Variants in POTEE observed in about 807,000 individuals in gnomAD.
POTEE encodes POTE ankyrin domain family member E.
A neutral mutation model predicts 74.2 loss-of-function variants in POTEE; 21 were observed. That is an observed-to-expected ratio of 0.28 (90% CI 0.20 to 0.41). POTEE has a LOEUF of 0.41. POTEE is among the 10% of genes least tolerant of loss of function. The pLI is 1.00. For synonymous variants in POTEE, 211 were observed against 432.8 expected (o/e 0.49, Z 6.36); for missense variants, 525 against 1,158.6 (o/e 0.45, Z 7.94).
At chr2:131,218,113 G>T (rs1700492748) in intron 3 of POTEE, 197 bp from the exon 4 acceptor site, 14 of 560,196 alleles carry the variant, frequency 2.5e-5, no homozygotes, top group Non-Finnish European at 4.1e-5. Context: ...TCCCTTGGGT[G>T]GGCTGGGTGT....
In POTEE at chr2:131,218,942, G is replaced by T; in HGVS notation, c.521+19G>T. On this transcript the variant is annotated intron_variant, in intron 4 of 17. Coordinates refer to ENST00000683005, the MANE Select transcript of POTEE (RefSeq NM_001083538.3). ...AAAAGAGGTAACCAGGCCTGGGCTG[G>T]GAGGAGGTGGGACGTGGGGGGATGA... 1 of 1,612,588 alleles carries T rather than the reference G, an allele frequency of 6.2e-7. No homozygotes were observed. Among genetic ancestry groups the T allele is most frequent in the East Asian group, 2.2e-5 (1 of 44,854 alleles).
intron 6 of POTEE, among the ~76,000 whole-genome samples, 197 bp from the exon 7 acceptor site, chr2:131,226,626 T>C (rs575391363): frequency 1.2e-3 from 188 of 150,642 alleles, no homozygotes; most frequent in African/African-American, 4.3e-3. Context: ...AGAGTTACTG[T>C]GGTGAGGCAG....
intron 9 of POTEE, among the ~76,000 whole-genome samples, 189 bp from the exon 10 acceptor site, chr2:131,236,543 T>A (rs1333436912): frequency 1.3e-5 from 2 of 151,848 alleles, no homozygotes; most frequent in Non-Finnish European, 2.9e-5. Flanking sequence ...TGTGAGTGAA[T>A]GACATCAGGT....
intron 1 of POTEE, among the ~76,000 whole-genome samples, chr2:131,210,379 G>A (rs546018701): frequency 5.6e-4 from 84 of 149,652 alleles, no homozygotes; most frequent in African/African-American, 1.9e-3. Context: ...GGCACAGGGT[G>A]TGTTGGGTGT....
At chr2:131,242,424 T>TACGGC (rs1701263714) in intron 12 of POTEE, among the ~76,000 whole-genome samples, 1 of 2,242 alleles carries the variant, frequency 4.5e-4, no homozygotes, top group African/African-American at 1.2e-3. Flanking sequence ...GGGCTACTGA[T>TACGGC]GTCCTTCCTG....
chr2:131,218,837 A>T lies in POTEE; in HGVS notation c.435A>T (p.Arg145Ser). ...GAGAAGATCTGGACAAGCTCCACAGAGCTGCCTGGTGGGGTAAAGTCCCCA... is the reference window on the plus strand; with the variant it reads ...GAGAAGATCTGGACAAGCTCCACAGTGCTGCCTGGTGGGGTAAAGTCCCCA... ...VRGEDLDKLHRAAWWGKVPRK... is the reference protein window; with the variant it reads ...VRGEDLDKLHSAAWWGKVPRK... The change falls in exon 4 of 18, where the codon AGA (arginine) becomes AGT (serine). Residue 145 changes from arginine (R) to serine (S), a missense_variant. Transcript: ENST00000683005. The T allele has an allele frequency of 6.2e-7, 1 of 1,612,486 alleles. No homozygotes were observed. Among genetic ancestry groups the T allele is most frequent in the South Asian group, 1.1e-5 (1 of 91,016 alleles).
At position 131,210,687 on chromosome 2, in the gene POTEE, C is replaced by T. The variant is rs1476317180; in HGVS notation, c.-344-341C>T. Among the ~76,000 whole-genome samples, 20 of 149,932 alleles carry T rather than the reference C, an allele frequency of 1.3e-4. 1 individual carries two copies. The South Asian group carries it at 3.9e-3, about 29-fold the overall frequency. On this transcript the variant is annotated intron_variant, in intron 1 of 17. Coordinates refer to ENST00000683005, the MANE Select transcript of POTEE (RefSeq NM_001083538.3). Reference sequence around the variant, plus strand: ...ACCGGGTGGGGATTAGTGGGCATCGCGGGGGACTGTGGGAACAGGGCACTG... The same window carrying T: ...ACCGGGTGGGGATTAGTGGGCATCGTGGGGGACTGTGGGAACAGGGCACTG...
intron 13 of POTEE, among the ~76,000 whole-genome samples, chr2:131,248,301 CAG>C (rs1478414000): frequency 7.6e-6 from 1 of 130,824 alleles, no homozygotes; most frequent in Non-Finnish European, 1.7e-5. Flanking sequence ...GAATATAAAA[CAG>C]AGGCAGAAGA....
chr2:131,220,199 T>C (rs1183230532), intron 4 of POTEE, among the ~76,000 whole-genome samples: 2 of 151,300 alleles, frequency 1.3e-5, no homozygotes, highest in African/African-American at 2.4e-5. Flanking sequence ...TATGCAGATA[T>C]ATATTTATAT....
intron 8 of POTEE, chr2:131,229,679 A>T (rs1559180616): frequency 6.6e-6 from 1 of 152,194 alleles, no homozygotes; most frequent in Admixed American, 6.5e-5. Flanking sequence ...CTGCATAAGG[A>T]GGCAGCACAG....
At chr2:131,210,078 A>G (rs61255260) in intron 1 of POTEE, among the ~76,000 whole-genome samples, 4,421 of 77,222 alleles carry the variant, frequency 0.057, 158 homozygotes, top group African/African-American at 0.17. Flanking sequence ...GGTTAGGGGC[A>G]CTATTTTCTG....
In POTEE at chr2:131,209,779, C is replaced by T. The variant is rs1428573361; in HGVS notation, c.-385C>T. Reference sequence around the variant, plus strand: ...TGCTGTGTTTGGTGGTGACGTGGGACACTGCAGCTCGGCCAGAGTGGTAGA... The same window carrying T: ...TGCTGTGTTTGGTGGTGACGTGGGATACTGCAGCTCGGCCAGAGTGGTAGA... On this transcript the variant is annotated 5_prime_UTR_variant, in exon 1 of 18. Transcript: ENST00000683005. Among the ~76,000 whole-genome samples the T allele has an allele frequency of 2.0e-5, 3 of 152,314 alleles. No individual in the cohort carries two copies. Among genetic ancestry groups the T allele is most frequent in the East Asian group, 3.9e-4 (2 of 5,172 alleles).
chr2:131,227,283 C>CCT (rs1700812388), intron 7 of POTEE, among the ~76,000 whole-genome samples: 1 of 149,402 alleles, frequency 6.7e-6, no homozygotes, highest in Admixed American at 6.6e-5. Flanking sequence ...TAGTTTTTAA[C>CCT]CTGTGTCTTA....
At chr2:131,218,267 G>A (rs1700496717) in intron 3 of POTEE, 43 bp from the exon 4 acceptor site, 19 of 1,525,532 alleles carry the variant, frequency 1.2e-5, no homozygotes, top group Non-Finnish European at 1.5e-5. Context: ...CCCCTGCTGG[G>A]GTTGGCAGGT....
intron 8 of POTEE, among the ~76,000 whole-genome samples, chr2:131,230,321 A>T (rs1324075824): frequency 1.3e-5 from 2 of 152,196 alleles, no homozygotes; most frequent in Non-Finnish European, 2.9e-5. Context: ...TGAACAAAAT[A>T]TGCATTGGGT....
rs549098571 is a variant in POTEE, at chr2:131,263,121, A to AT, written c.1900-231dup. ...TAAATAAATATTTAAACTTTTAGGA[A>AT]TTTAGGAGCAGATTCCTAAAAGTTT... On this transcript the variant is annotated intron_variant, in intron 17 of 17. Transcript: ENST00000683005. Among the ~76,000 whole-genome samples the AT allele has an allele frequency of 6.1e-3, 918 of 149,520 alleles. 1 individual carries two copies. The highest frequency in any genetic ancestry group is 0.021 in the African/African-American group (863 of 40,880).
At chr2:131,253,838 T>TA (rs1181187486) in intron 16 of POTEE, among the ~76,000 whole-genome samples, 427 of 137,212 alleles carry the variant, frequency 3.1e-3, no homozygotes, top group Middle Eastern at 7.6e-3. Flanking sequence ...TAGTATTATG[T>TA]AAAAAATTTG....
chr2:131,260,477 T>C (rs1701676492), intron 16 of POTEE, among the ~76,000 whole-genome samples: 1 of 133,128 alleles, frequency 7.5e-6, no homozygotes, highest in African/African-American at 3.0e-5. Context: ...GTTTGTGTCA[T>C]CTGTTATTTT....
At position 131,263,446 on chromosome 2, in the gene POTEE, C is replaced by G. The variant is rs1232916365; in HGVS notation, c.1991C>G (p.Thr664Arg). ...EIAMLRLELDTMKHQSQLREK... is the reference protein window; with the variant it reads ...EIAMLRLELDRMKHQSQLREK... ...GCCATGCTAAGACTGGAGCTAGACA[C>G]AATGAAACATCAGAGCCAGCTAAGA... The change falls in exon 18 of 18, where the codon ACA (threonine) becomes AGA (arginine). Residue 664 changes from threonine (T) to arginine (R), a missense_variant. Coordinates refer to ENST00000683005, the MANE Select transcript of POTEE (RefSeq NM_001083538.3). 6.2e-7 allele frequency: 1 copy of G among 1,611,550 alleles called. No homozygotes were observed. Among genetic ancestry groups the G allele is most frequent in the African/African-American group, 1.3e-5 (1 of 74,740 alleles).
Sources: gnomAD v4.1 joint callset for allele counts (sites outside exome capture counted in the v4.1 genomes callset) on GRCh38, gnomAD v4.1.1 for gene constraint, MANE v1.5 for transcripts, NCBI Gene and HGNC (gene_info 2026-07-23, HGNC 2026-07-21) for gene names.